The following PTPN4 variants were observed in gnomAD, a reference collection of about 807,000 sequenced individuals.
PTPN4 encodes the protein protein tyrosine phosphatase non-receptor type 4.
In PTPN4, 49 loss-of-function variants were observed where a neutral mutation model predicts 135.5. The ratio of observed to expected loss-of-function variants is 0.36; its 90% CI spans 0.29 to 0.46. PTPN4 has a LOEUF of 0.46. Ranked by LOEUF, PTPN4 falls within the 20% of genes least tolerant of loss-of-function variation. The pLI, the probability that PTPN4 is intolerant of heterozygous loss-of-function variation, is 1.00. For missense variants in PTPN4, 860 were observed against 1,101.0 expected, an observed-to-expected ratio of 0.78 and a Z score of 3.10; for synonymous variants, 333 against 369.9, an observed-to-expected ratio of 0.90 and a Z score of 1.14.
intron 14 of PTPN4, among the ~76,000 whole-genome samples, chr2:119,934,238 A>G (rs964554062): frequency 6.6e-6 from 1 of 152,162 alleles, no homozygotes; most frequent in African/African-American, 2.4e-5. Context: ...TATATTTATA[A>G]TAATGTCTTT....
chr2:119,952,043 A>G lies in PTPN4; in HGVS notation c.1727A>G (p.Glu576Gly). 1 of 1,613,486 alleles carries G rather than the reference A, an allele frequency of 6.2e-7. No homozygotes were observed. Among genetic ancestry groups the G allele is most frequent in the Non-Finnish European group, 8.5e-7 (1 of 1,179,442 alleles). The change falls in exon 19 of 27, where the codon GAA (glutamate) becomes GGA (glycine). Residue 576 changes from glutamate (E) to glycine (G), a missense_variant. Glu to Gly is a moderately conservative substitution (Grantham distance 98). Transcript: ENST00000263708. ...VVLINGRDIA[E>G]HTHDQVVLFI... ...CTGATCAATGGTCGGGACATTGCAG[A>G]ACACACTCATGATCAGGTTGTGCTG...
At chr2:119,857,750 A>G (rs1205477145) in intron 2 of PTPN4, among the ~76,000 whole-genome samples, 1 of 151,952 alleles carries the variant, frequency 6.6e-6, no homozygotes, top group Non-Finnish European at 1.5e-5. Flanking sequence ...CCTATTGAGT[A>G]TTTTCTGTTG....
intron 2 of PTPN4, among the ~76,000 whole-genome samples, chr2:119,856,943 A>C (rs962128114): frequency 6.6e-6 from 1 of 152,160 alleles, no homozygotes; most frequent in African/African-American, 2.4e-5. Flanking sequence ...TTTGGCAATG[A>C]ATCTTGAAAG....
chr2:119,824,674 G>A (rs1181460194), intron 2 of PTPN4, among the ~76,000 whole-genome samples: 1 of 152,228 alleles, frequency 6.6e-6, no homozygotes, highest in East Asian at 1.9e-4. Flanking sequence ...TTATTATTAT[G>A]TAAGGAGTTG....
At chr2:119,821,808 A>G (rs1024719516) in intron 2 of PTPN4, among the ~76,000 whole-genome samples, 1 of 152,144 alleles carries the variant, frequency 6.6e-6, no homozygotes, top group Non-Finnish European at 1.5e-5. Flanking sequence ...GTTTTACCCT[A>G]GACTTAATTG....
intron 7 of PTPN4, 93 bp from the exon 8 acceptor site, chr2:119,882,410 C>T (rs1477387032): frequency 8.2e-7 from 1 of 1,226,018 alleles, no homozygotes; most frequent in African/African-American, 1.6e-5. Context: ...AAGTATTTTA[C>T]ATCCAGAAAT....
At chr2:119,778,635 G>T (rs1278870308) in intron 1 of PTPN4, among the ~76,000 whole-genome samples, 1 of 152,118 alleles carries the variant, frequency 6.6e-6, no homozygotes, top group African/African-American at 2.4e-5. Context: ...ATAGTGAGTT[G>T]TAAAAGATTA....
At chr2:119,811,664 A>G (rs769473846) in intron 2 of PTPN4, among the ~76,000 whole-genome samples, 55 of 152,158 alleles carry the variant, frequency 3.6e-4, no homozygotes, top group Non-Finnish European at 5.9e-4. Context: ...CATAAATTTA[A>G]TAACTTTTGT....
chr2:119,806,469 A>G (rs1691471137), intron 1 of PTPN4, among the ~76,000 whole-genome samples: 2 of 152,214 alleles, frequency 1.3e-5, no homozygotes, highest in Admixed American at 1.3e-4. Flanking sequence ...AAAGATCAAA[A>G]GAGACAAAGA....
chr2:119,921,896 C>G (rs982652008), intron 12 of PTPN4, among the ~76,000 whole-genome samples: 1 of 152,168 alleles, frequency 6.6e-6, no homozygotes, highest in Non-Finnish European at 1.5e-5. Flanking sequence ...AAGGACTACT[C>G]TTACCCTCTG....
At chr2:119,776,029 AATT>A (rs1558721877) in intron 1 of PTPN4, among the ~76,000 whole-genome samples, 1 of 152,148 alleles carries the variant, frequency 6.6e-6, no homozygotes, top group African/African-American at 2.4e-5. Flanking sequence ...CCAGAAAATA[AATT>A]AACTATAGAC....
At chr2:119,902,193 T>G (rs992035706) in intron 10 of PTPN4, among the ~76,000 whole-genome samples, 1 of 152,198 alleles carries the variant, frequency 6.6e-6, no homozygotes, top group African/African-American at 2.4e-5. Flanking sequence ...AAAGCACATT[T>G]AACCTAGAGG....
At chr2:119,799,924 C>T (rs566752944) in intron 1 of PTPN4, among the ~76,000 whole-genome samples, 2 of 152,140 alleles carry the variant, frequency 1.3e-5, no homozygotes, top group African/African-American at 4.8e-5. Flanking sequence ...AATAAAAATG[C>T]GTTCTTTGAC....
At chr2:119,912,738 T>C (rs1678592509) in intron 10 of PTPN4, among the ~76,000 whole-genome samples, 1 of 152,182 alleles carries the variant, frequency 6.6e-6, no homozygotes, top group Non-Finnish European at 1.5e-5. Context: ...CTATGTACCA[T>C]AAATTTGCCT....
intron 9 of PTPN4, 139 bp from the exon 10 acceptor site, chr2:119,900,579 T>G: frequency 2.2e-6 from 1 of 461,792 alleles, no homozygotes; most frequent in Non-Finnish European, 3.8e-6. Context: ...ACCATTTGGG[T>G]TTCTAATTAG....
chr2:119,950,860 G>A (rs1679202794), intron 18 of PTPN4, among the ~76,000 whole-genome samples: 1 of 152,150 alleles, frequency 6.6e-6, no homozygotes, highest in Admixed American at 6.5e-5. Context: ...AAATTGTGCA[G>A]GATCTTGATG....
At chr2:119,846,578 C>A (rs1677502451) in intron 2 of PTPN4, among the ~76,000 whole-genome samples, 1 of 151,384 alleles carries the variant, frequency 6.6e-6, no homozygotes, top group Non-Finnish European at 1.5e-5. Context: ...AGTCTGACAT[C>A]CCTGCCTTTT....
intron 26 of PTPN4, among the ~76,000 whole-genome samples, chr2:119,971,221 C>T (rs1574427241): frequency 6.6e-6 from 1 of 152,080 alleles, no homozygotes; most frequent in African/African-American, 2.4e-5. Flanking sequence ...CTTCACATGG[C>T]CGGCGGGAGA....
intron 12 of PTPN4, among the ~76,000 whole-genome samples, chr2:119,921,424 A>C (rs1012947701): frequency 6.6e-6 from 1 of 152,210 alleles, no homozygotes; most frequent in Admixed American, 6.5e-5. Context: ...ATAATTGCCT[A>C]ATTTGTAATC....
Sources: gnomAD v4.1 joint callset for allele counts (sites outside exome capture counted in the v4.1 genomes callset) on GRCh38, gnomAD v4.1.1 for gene constraint, MANE v1.5 for transcripts, NCBI Gene and HGNC (gene_info 2026-07-23, HGNC 2026-07-21) for gene names.